SLC4A4: variants seen among roughly 807,000 people sequenced by gnomAD.
The protein encoded by SLC4A4 is solute carrier family 4 member 4, also known as electrogenic sodium bicarbonate cotransporter 1.
Under a neutral mutation model 111.5 loss-of-function variants are expected in SLC4A4, and 27 were observed. The ratio of observed to expected loss-of-function variants is 0.24; its 90% confidence interval spans 0.18 to 0.33. The LOEUF (loss-of-function observed/expected upper bound fraction) is 0.33. SLC4A4 is among the 10% of genes least tolerant of loss of function. The probability of loss-of-function intolerance (pLI) is 1.00; values close to 1 mark genes in which losing one functional copy is unlikely to be tolerated. For missense variants in SLC4A4, 909 were observed against 1,315.5 expected, an observed-to-expected ratio of 0.69 and a Z score of 4.78; for synonymous variants, 443 against 463.4, an observed-to-expected ratio of 0.96 and a Z score of 0.57.
intron 1 of SLC4A4, among the ~76,000 whole-genome samples, chr4:71,193,209 G>A (rs962101105): frequency 7.9e-5 from 12 of 152,206 alleles, no homozygotes; most frequent in African/African-American, 2.9e-4. Context: ...GCCCAGGCTG[G>A]AGTGCGGTGG....
chr4:71,544,067 T>G (rs1735296947), intron 18 of SLC4A4, among the ~76,000 whole-genome samples: 2 of 152,108 alleles, frequency 1.3e-5, no homozygotes, highest in African/African-American at 4.8e-5. Context: ...GGTCCTCATA[T>G]TACTTACAGT....
intron 16 of SLC4A4, among the ~76,000 whole-genome samples, chr4:71,514,072 C>G (rs1732163664): frequency 6.6e-6 from 1 of 152,152 alleles, no homozygotes; most frequent in Non-Finnish European, 1.5e-5. Flanking sequence ...CTGTGCTTAT[C>G]AGAAGTATTG....
intron 3 of SLC4A4, among the ~76,000 whole-genome samples, chr4:71,306,205 T>A (rs1725673638): frequency 6.6e-6 from 1 of 152,112 alleles, no homozygotes; most frequent in African/African-American, 2.4e-5. Flanking sequence ...ACTTCCTGGT[T>A]TCAGTTTCTG....
intron 1 of SLC4A4, among the ~76,000 whole-genome samples, chr4:71,086,332 C>T (rs1742170978): frequency 6.6e-6 from 1 of 151,770 alleles, no homozygotes; most frequent in Admixed American, 6.6e-5. Flanking sequence ...TCTAGAAATA[C>T]AATCATGTCA....
rs562616053 is a variant in SLC4A4, at chr4:71,126,498, A to T, written c.-2+33706A>T. Among the ~76,000 whole-genome samples, 31 of 152,308 alleles carry T rather than the reference A, an allele frequency of 2.0e-4. 1 individual carries two copies. In the South Asian group the frequency reaches 6.4e-3, roughly 32 times the overall value. ...GACAAGATAAATGAGACATCCTAAG[A>T]TGTGTTCTTTTAAGTTGGGAAACAT... On this transcript the variant is annotated intron_variant, in intron 2 of 26. Coordinates refer to the SLC4A4 transcript ENST00000649996.
intron 2 of SLC4A4, among the ~76,000 whole-genome samples, chr4:71,164,080 T>C (rs952065535): frequency 2.6e-5 from 4 of 151,936 alleles, no homozygotes; most frequent in Non-Finnish European, 5.9e-5. Flanking sequence ...ACCCCGACTC[T>C]ACTAAAAATA....
chr4:71,197,801 T>A (rs1364051442), intron 1 of SLC4A4, among the ~76,000 whole-genome samples: 1 of 152,238 alleles, frequency 6.6e-6, no homozygotes, highest in Non-Finnish European at 1.5e-5. Context: ...AATCACTGAT[T>A]ATATGTATAA....
At chr4:71,132,030 T>C (rs1743719757) in intron 2 of SLC4A4, among the ~76,000 whole-genome samples, 1 of 152,316 alleles carries the variant, frequency 6.6e-6, no homozygotes, top group East Asian at 1.9e-4. Flanking sequence ...CCTTCCAAAA[T>C]GGTGATGACG....
chr4:71,210,392 T>G (rs1718056351), intron 1 of SLC4A4, among the ~76,000 whole-genome samples: 1 of 152,262 alleles, frequency 6.6e-6, no homozygotes, highest in Non-Finnish European at 1.5e-5. Flanking sequence ...ACTTAATGTA[T>G]TTCTAGAACC....
chr4:71,151,645 A>G (rs926749969), intron 2 of SLC4A4, among the ~76,000 whole-genome samples: 1 of 151,436 alleles, frequency 6.6e-6, no homozygotes, highest in South Asian at 2.1e-4. Flanking sequence ...CTGTCTGCGC[A>G]TGGTGGCTCA....
intron 7 of SLC4A4, chr4:71,434,262 A>G (rs998155606): frequency 4.6e-5 from 7 of 152,106 alleles, no homozygotes; most frequent in Admixed American, 3.3e-4. Flanking sequence ...ATTTGTTATT[A>G]CATACTCTAT....
At chr4:71,096,183 G>A (rs1742542872) in intron 2 of SLC4A4, among the ~76,000 whole-genome samples, 1 of 152,134 alleles carries the variant, frequency 6.6e-6, no homozygotes, top group African/African-American at 2.4e-5. Context: ...TAGGAACAAG[G>A]ATTGACTGAC....
At chr4:71,536,413 T>C (rs1376425313) in intron 18 of SLC4A4, among the ~76,000 whole-genome samples, 2 of 140,764 alleles carry the variant, frequency 1.4e-5, no homozygotes, top group African/African-American at 2.6e-5. Context: ...TAGATCTTGG[T>C]GATTGCTTCC....
chr4:71,525,982 T>C (rs899737511), intron 16 of SLC4A4, among the ~76,000 whole-genome samples: 16 of 152,018 alleles, frequency 1.1e-4, no homozygotes, highest in Non-Finnish European at 1.5e-5. Context: ...AAAGTCGGAC[T>C]GAGAAGTCTT....
intron 16 of SLC4A4, among the ~76,000 whole-genome samples, chr4:71,516,189 G>A (rs773758786): frequency 6.6e-4 from 90 of 136,032 alleles, no homozygotes; most frequent in Non-Finnish European, 9.8e-4. Context: ...TCTGCCTCCC[G>A]GGTTCACGCC....
In SLC4A4 at chr4:71,568,530, A is replaced by G. The variant is rs1403404405; in HGVS notation, c.*779A>G. 6.6e-6 allele frequency: 1 copy of G among 152,132 alleles called. No homozygotes were observed. Among genetic ancestry groups the G allele is most frequent in the Non-Finnish European group, 1.5e-5 (1 of 67,838 alleles). The allele number at this position is 152,132 out of a possible 1,614,324, so 9.4% of individuals were successfully genotyped here. A position where few individuals can be genotyped will look rare whatever the true frequency, so the allele number is the denominator to read the frequency against. ...GCAACTTTTTTTAACCCTTTAATGAACTTATCTGTTGAGTACATTGAAGAA... is the reference window on the plus strand; with the variant it reads ...GCAACTTTTTTTAACCCTTTAATGAGCTTATCTGTTGAGTACATTGAAGAA... On this transcript the variant is annotated 3_prime_UTR_variant, in exon 26 of 26. Coordinates refer to ENST00000264485, the MANE Select transcript of SLC4A4 (RefSeq NM_001098484.3).
At chr4:71,374,053 T>TGGG (rs2148937566) in intron 6 of SLC4A4, among the ~76,000 whole-genome samples, 1 of 152,334 alleles carries the variant, frequency 6.6e-6, no homozygotes, top group South Asian at 2.1e-4. Flanking sequence ...TTACCCATCA[T>TGGG]GGGCCAAGAC....
At chr4:71,423,700 G>A (rs1362249352) in intron 7 of SLC4A4, among the ~76,000 whole-genome samples, 13 of 152,044 alleles carry the variant, frequency 8.6e-5, no homozygotes, top group East Asian at 5.8e-4. Context: ...ATCTACAACT[G>A]TCTGATCTTT....
Position 71,350,646 on chromosome 4 carries a change from C to A in SLC4A4, c.550+574C>A, listed in dbSNP as rs1429716140. 3.3e-5 allele frequency among the ~76,000 whole-genome samples: 5 copies of A among 152,188 alleles called. No individual in the cohort carries two copies. In the East Asian group the frequency reaches 5.8e-4, roughly 18 times the overall value. ...GTACATCAGCCAGACATATGCCTCA[C>A]TTGACAGCTAATCTATTTCTTCCAA... On this transcript the variant is annotated intron_variant, in intron 5 of 25. Coordinates refer to ENST00000264485, the MANE Select transcript of SLC4A4 (RefSeq NM_001098484.3).
Sources: allele counts gnomAD v4.1 joint callset (sites outside exome capture counted in the v4.1 genomes callset), GRCh38; gene constraint gnomAD v4.1.1; transcripts MANE v1.5; gene names NCBI Gene and HGNC (gene_info 2026-07-23, HGNC 2026-07-21).